Variants in DNAI7 observed in about 807,000 individuals in gnomAD.
DNAI7 encodes the protein cancer susceptibility 1.
DNAI7 carries 78 observed loss-of-function variants against 86.6 expected under a neutral mutation model. The ratio of observed to expected loss-of-function variants is 0.90; its 90% confidence interval spans 0.75 to 1.09. DNAI7 has a LOEUF of 1.09. Among genes scored for constraint, DNAI7 ranks in the 50% least tolerant of loss-of-function variants. DNAI7 has a pLI of 0.00. For synonymous variants in DNAI7, 274 were observed against 273.0 expected (o/e 1.00, Z -0.04); for missense variants, 753 against 810.2 (o/e 0.93, Z 0.86).
chr12:25,178,268 T>C (rs1949153707), intron 2 of DNAI7, among the ~76,000 whole-genome samples: 1 of 152,204 alleles, frequency 6.6e-6, no homozygotes, highest in Admixed American at 6.5e-5. Context: ...TAACCACTGA[T>C]TTAATTTCTT....
chr12:25,160,820 C>T lies in DNAI7; in HGVS notation c.106+293G>A, dbSNP rs1455233288. ...AATTTTTTTTTTAAGTTAAGTATGTCCCAAGTATTGCATGGGACAAATTAT... is the reference window on the plus strand; with the variant it reads ...AATTTTTTTTTTAAGTTAAGTATGTTCCAAGTATTGCATGGGACAAATTAT... On this transcript the variant is annotated intron_variant, in intron 3 of 15. Transcript: ENST00000395987. Among the ~76,000 whole-genome samples, 7 of 152,176 alleles carry T rather than the reference C, an allele frequency of 4.6e-5. No homozygotes were observed. The East Asian group carries it at 1.4e-3, about 29-fold the overall frequency.
At chr12:25,108,042 T>A, downstream of DNAI7, 1 of 1,614,050 alleles carries the variant, frequency 6.2e-7, no homozygotes, top group African/African-American at 1.3e-5. Flanking sequence ...TCCGACACAA[T>A]GGGCCACCAC....
intron 9 of DNAI7, 95 bp from the exon 10 acceptor site, chr12:25,123,381 AC>A (rs1166274910): frequency 1.4e-6 from 1 of 702,644 alleles, no homozygotes; most frequent in East Asian, 3.2e-5. Flanking sequence ...GATGCCTGCT[AC>A]CTTAATTCTA....
intron 11 of DNAI7, among the ~76,000 whole-genome samples, chr12:25,120,124 G>A (rs1039491258): frequency 2.0e-5 from 3 of 152,060 alleles, no homozygotes; most frequent in African/African-American, 4.8e-5. Flanking sequence ...TGGATAAAGA[G>A]AATATTAAAA....
chr12:25,109,315 T>C (rs1050524532), intron 15 of DNAI7, among the ~76,000 whole-genome samples: 4 of 152,198 alleles, frequency 2.6e-5, no homozygotes, highest in Non-Finnish European at 4.4e-5. Context: ...ATCAGGAAGT[T>C]AAGTTGGAGG....
At chr12:25,119,052 T>C in intron 12 of DNAI7, 93 bp downstream of exon 12, 1 of 961,102 alleles carries the variant, frequency 1.0e-6, no homozygotes, top group Non-Finnish European at 1.5e-6. Context: ...ATATGTAAGA[T>C]AGTAAGCTCA....
chr12:25,151,783 A>G (rs1242386725), intron 6 of DNAI7, among the ~76,000 whole-genome samples: 2 of 152,256 alleles, frequency 1.3e-5, no homozygotes, highest in African/African-American at 2.4e-5. Context: ...AAGGTCTCAC[A>G]GTGGACTGCA....
intron 9 of DNAI7, among the ~76,000 whole-genome samples, chr12:25,138,196 G>C (rs1386990796): frequency 6.6e-6 from 1 of 152,166 alleles, no homozygotes; most frequent in Non-Finnish European, 1.5e-5. Flanking sequence ...AGGCACAGTG[G>C]CTCATACCTG....
chr12:25,129,757 TTTTATTTTTA>T (rs1269692195), intron 9 of DNAI7, among the ~76,000 whole-genome samples: 10 of 77,590 alleles, frequency 1.3e-4, no homozygotes, highest in African/African-American at 3.1e-4. Flanking sequence ...TTTATTTTTA[TTTTATTTTTA>T]TTTTTTTTTT....
chr12:25,135,725 T>C (rs929014825), intron 9 of DNAI7, among the ~76,000 whole-genome samples: 14 of 152,018 alleles, frequency 9.2e-5, no homozygotes, highest in African/African-American at 3.4e-4. Context: ...GGCCCATCAC[T>C]GCTGACTTTC....
intron 8 of DNAI7, among the ~76,000 whole-genome samples, chr12:25,145,150 A>G (rs748003383): frequency 2.6e-5 from 4 of 152,224 alleles, no homozygotes; most frequent in Non-Finnish European, 4.4e-5. Flanking sequence ...ATGCCCTTCC[A>G]CAAGTGCAAG....
chr12:25,122,539 T>C (rs1018704568), intron 10 of DNAI7, among the ~76,000 whole-genome samples: 4 of 149,630 alleles, frequency 2.7e-5, no homozygotes, highest in Non-Finnish European at 4.4e-5. Context: ...CTAAGAAATA[T>C]ATAGAAAATA....
intron 6 of DNAI7, among the ~76,000 whole-genome samples, chr12:25,152,356 G>A (rs546477813): frequency 2.6e-5 from 4 of 152,292 alleles, no homozygotes; most frequent in South Asian, 2.1e-4. Flanking sequence ...AAATGCCAAC[G>A]GCAAATGATT....
At chr12:25,164,496 T>C (rs1947208962) in intron 2 of DNAI7, among the ~76,000 whole-genome samples, 1 of 152,114 alleles carries the variant, frequency 6.6e-6, no homozygotes, top group Non-Finnish European at 1.5e-5. Flanking sequence ...AAAACCTAAA[T>C]GCCTTTTCTT....
At chr12:25,179,345 G>A (rs1337194424) in intron 2 of DNAI7, among the ~76,000 whole-genome samples, 1 of 152,178 alleles carries the variant, frequency 6.6e-6, no homozygotes, top group Non-Finnish European at 1.5e-5. Flanking sequence ...CTTGTTTGGT[G>A]TGGTGTTCTA....
At chr12:25,123,857 C>A (rs569409560) in intron 9 of DNAI7, among the ~76,000 whole-genome samples, 13 of 152,280 alleles carry the variant, frequency 8.5e-5, no homozygotes, top group African/African-American at 3.1e-4. Flanking sequence ...AACAATAACA[C>A]ATTTGGTATT....
Position 25,112,601 on chromosome 12 carries a change from T to A in DNAI7, c.1612-662A>T, listed in dbSNP as rs183737392. On this transcript the variant is annotated intron_variant, in intron 13 of 15. Transcript: ENST00000395987. ...TTTTGTATTTTTAGTAGAGACAGGG[T>A]TTCACCGTGTTAGCCAGGATGGTCT... 4.8e-3 allele frequency among the ~76,000 whole-genome samples: 724 copies of A among 152,008 alleles called. 7 individuals carry two copies. Among genetic ancestry groups the A allele is most frequent in the South Asian group, 0.028 (132 of 4,798 alleles).
chr12:25,107,096 A>T, downstream of DNAI7: 1 of 1,084,672 alleles, frequency 9.2e-7, no homozygotes, highest in Non-Finnish European at 1.4e-6. Context: ...TGGAATGGGA[A>T]AGGGTGAGGC....
At chr12:25,144,768 C>T (rs978905345) in intron 8 of DNAI7, 91 bp from the exon 9 acceptor site, 2 of 1,019,970 alleles carry the variant, frequency 2.0e-6, no homozygotes, top group Non-Finnish European at 1.4e-6. Context: ...TTTCTCTTCA[C>T]TTTAATTTTG....
Sources: gnomAD v4.1 joint callset for allele counts (sites outside exome capture counted in the v4.1 genomes callset) on GRCh38, gnomAD v4.1.1 for gene constraint, MANE v1.5 for transcripts, NCBI Gene and HGNC (gene_info 2026-07-23, HGNC 2026-07-21) for gene names.